Variants in CPA6 observed in about 807,000 individuals in gnomAD.
CPA6 encodes the protein carboxypeptidase B.
A neutral mutation model predicts 63.3 loss-of-function variants in CPA6; 58 were observed. The observed-to-expected ratio is 0.92, with a 90% confidence interval of 0.74 to 1.14. The LOEUF (loss-of-function observed/expected upper bound fraction) is 1.14. CPA6 is among the 50% of genes most tolerant of loss of function. CPA6 has a pLI of 0.00. For missense variants in CPA6, 565 were observed against 526.6 expected, an observed-to-expected ratio of 1.07 and a Z score of -0.71; for synonymous variants, 185 against 179.0, an observed-to-expected ratio of 1.03 and a Z score of -0.27.
rs868722225 is a variant in CPA6 at position 67,479,970 on chromosome 8, A to C, written c.838+3798T>G. ...GTCAAGCAGAACAGCCCCCGGCTCCACTTTTTTTTTTTTGGATAGAGTGGG... is the reference window on the plus strand; with the variant it reads ...GTCAAGCAGAACAGCCCCCGGCTCCCCTTTTTTTTTTTTGGATAGAGTGGG... On this transcript the variant is annotated intron_variant, in intron 8 of 10. Coordinates refer to ENST00000297770, the MANE Select transcript of CPA6 (RefSeq NM_020361.5). 3.6e-4 allele frequency among the ~76,000 whole-genome samples: 53 copies of C among 148,200 alleles called. No homozygotes were observed. In the Middle Eastern group the frequency reaches 0.01, roughly 29 times the overall value.
intron 2 of CPA6, among the ~76,000 whole-genome samples, chr8:67,552,570 A>G (rs180984605): frequency 0.02 from 3,087 of 151,994 alleles, 31 homozygotes; most frequent in Middle Eastern, 0.071. Flanking sequence ...TCAGGAGATC[A>G]AGACCATCCT....
At chr8:67,657,226 A>G (rs971025834) in intron 1 of CPA6, among the ~76,000 whole-genome samples, 1 of 152,210 alleles carries the variant, frequency 6.6e-6, no homozygotes, top group Non-Finnish European at 1.5e-5. Flanking sequence ...GTGATAAAAA[A>G]TATTAAAAAG....
intron 8 of CPA6, among the ~76,000 whole-genome samples, chr8:67,475,906 CTTTCTT>C (rs1811215855): frequency 1.1e-5 from 1 of 91,286 alleles, no homozygotes; most frequent in Non-Finnish European, 2.2e-5. Context: ...TTCTTTCTTT[CTTTCTT>C]TCTTTCTTTC....
chr8:67,620,543 G>A (rs960607392), intron 2 of CPA6, among the ~76,000 whole-genome samples: 3 of 152,186 alleles, frequency 2.0e-5, no homozygotes, highest in African/African-American at 7.2e-5. Flanking sequence ...ATGCAAAGAA[G>A]CTGTTAGCAA....
At chr8:67,619,780 T>C (rs1417488281) in intron 2 of CPA6, among the ~76,000 whole-genome samples, 2 of 152,212 alleles carry the variant, frequency 1.3e-5, no homozygotes, top group Non-Finnish European at 1.5e-5. Context: ...TCCCATGACT[T>C]CACTCCTCAC....
chr8:67,657,280 C>T (rs990386174), intron 1 of CPA6, among the ~76,000 whole-genome samples: 1 of 152,142 alleles, frequency 6.6e-6, no homozygotes, highest in Non-Finnish European at 1.5e-5. Flanking sequence ...GTGATTACAG[C>T]AGACTTGTGA....
intron 1 of CPA6, among the ~76,000 whole-genome samples, chr8:67,725,796 A>G (rs920240096): frequency 2.2e-4 from 33 of 152,206 alleles, no homozygotes; most frequent in African/African-American, 8.0e-4. Flanking sequence ...CTCCTGCCTC[A>G]GCCTCCCAAA....
chr8:67,707,114 C>A (rs1817153247), intron 1 of CPA6, among the ~76,000 whole-genome samples: 1 of 152,094 alleles, frequency 6.6e-6, no homozygotes, highest in African/African-American at 2.4e-5. Flanking sequence ...TTATTTTGAT[C>A]CTCTTCAAAA....
At chr8:67,717,449 T>A (rs1429786733) in intron 1 of CPA6, among the ~76,000 whole-genome samples, 1 of 152,104 alleles carries the variant, frequency 6.6e-6, no homozygotes, top group Non-Finnish European at 1.5e-5. Context: ...AATCACACAC[T>A]CTCTATAAAA....
intron 8 of CPA6, among the ~76,000 whole-genome samples, chr8:67,452,082 CTG>C (rs1481019788): frequency 6.6e-6 from 1 of 152,124 alleles, no homozygotes; most frequent in Non-Finnish European, 1.5e-5. Flanking sequence ...GTATAAAAAA[CTG>C]TAATTGTGTG....
In CPA6 at chr8:67,570,058, G is replaced by GT. The variant is rs1297263291; in HGVS notation, c.193-52012dup. ...GAACAACAGTAATGATATTGTTAAC[G>GT]TGAGTATGGAATTAGCAATTTAACC... On this transcript the variant is annotated intron_variant, in intron 2 of 10. Coordinates refer to ENST00000297770, the MANE Select transcript of CPA6 (RefSeq NM_020361.5). 3 of 152,574 alleles carry GT rather than the reference G, an allele frequency of 2.0e-5. No homozygotes were observed. In the East Asian group the frequency reaches 5.8e-4, roughly 29 times the overall value. The allele number at this position is 152,574 out of a possible 1,614,324, so 9.5% of individuals were successfully genotyped here.
intron 1 of CPA6, among the ~76,000 whole-genome samples, chr8:67,662,149 G>A (rs1351511269): frequency 6.6e-6 from 1 of 152,168 alleles, no homozygotes; most frequent in Non-Finnish European, 1.5e-5. Flanking sequence ...CAGGATGGAT[G>A]GCATTGGATA....
At chr8:67,635,486 G>C (rs916214820) in intron 1 of CPA6, among the ~76,000 whole-genome samples, 6 of 151,770 alleles carry the variant, frequency 4.0e-5, no homozygotes, top group African/African-American at 7.3e-5. Flanking sequence ...AAGAAAAAGG[G>C]GCTGGGCATG....
chr8:67,689,799 G>A (rs1816780001), intron 1 of CPA6, among the ~76,000 whole-genome samples: 1 of 152,182 alleles, frequency 6.6e-6, no homozygotes, highest in Admixed American at 6.5e-5. Flanking sequence ...CCAGTAATGG[G>A]ATTACTGGGT....
chr8:67,516,908 T>C (rs1166938358), intron 3 of CPA6, among the ~76,000 whole-genome samples: 2 of 152,092 alleles, frequency 1.3e-5, no homozygotes, highest in African/African-American at 4.8e-5. Context: ...GTGATTCTTC[T>C]GCCTCAGCCC....
chr8:67,556,148 C>T (rs1813055190), intron 2 of CPA6, among the ~76,000 whole-genome samples: 1 of 152,200 alleles, frequency 6.6e-6, no homozygotes, highest in South Asian at 2.1e-4. Context: ...GGTTTCATAA[C>T]ATGACCTGGA....
intron 3 of CPA6, among the ~76,000 whole-genome samples, chr8:67,512,111 A>G (rs557170259): frequency 6.6e-6 from 1 of 152,300 alleles, no homozygotes; most frequent in South Asian, 2.1e-4. Context: ...AGAACTCACC[A>G]ATATCCCTCT....
rs536602733 is a variant in CPA6, at chr8:67,588,828, A to T, written c.192+35348T>A. Among the ~76,000 whole-genome samples, 7 of 152,282 alleles carry T rather than the reference A, an allele frequency of 4.6e-5. No individual in the cohort carries two copies. In the South Asian group the frequency reaches 1.5e-3, roughly 32 times the overall value. Reference sequence around the variant, plus strand: ...AAGATCACGAGTGATGGAGACTAGAAGCCAGGTTTACATTAAAGATTGATG... The same window carrying T: ...AAGATCACGAGTGATGGAGACTAGATGCCAGGTTTACATTAAAGATTGATG... On this transcript the variant is annotated intron_variant, in intron 2 of 10. Transcript: ENST00000297770.
chr8:67,549,155 A>G (rs1364458035), intron 2 of CPA6, among the ~76,000 whole-genome samples: 2 of 152,232 alleles, frequency 1.3e-5, no homozygotes, highest in Admixed American at 1.3e-4. Flanking sequence ...GCTTTTAAAA[A>G]TGAGAGCAAT....
Sources: gnomAD v4.1 joint callset for allele counts (sites outside exome capture counted in the v4.1 genomes callset) on GRCh38, gnomAD v4.1.1 for gene constraint, MANE v1.5 for transcripts, NCBI Gene and HGNC (gene_info 2026-07-23, HGNC 2026-07-21) for gene names.